The following CCDC97 variants were observed in gnomAD, a reference collection of about 807,000 sequenced individuals.
CCDC97 encodes coiled-coil domain containing 97.
CCDC97 carries 27 observed loss-of-function variants against 33.9 expected under a neutral mutation model. That is an observed-to-expected ratio of 0.80 (90% confidence interval 0.59 to 1.10). CCDC97 has a LOEUF of 1.10. Ranked by LOEUF, CCDC97 falls within the 50% of genes least tolerant of loss-of-function variation. The pLI, the probability that CCDC97 is intolerant of heterozygous loss-of-function variation, is 0.00. For missense variants in CCDC97, 422 were observed against 476.6 expected (o/e 0.89, Z 1.07); for synonymous variants, 217 against 194.0 (o/e 1.12, Z -0.99).
At chr19:41,318,299 A>G (rs779351947) in intron 2 of CCDC97, among the ~76,000 whole-genome samples, 12 of 152,088 alleles carry the variant, frequency 7.9e-5, no homozygotes, top group Non-Finnish European at 1.8e-4. Context: ...AAATACAAAA[A>G]AAATTAGCCA....
chr19:41,314,588 T>C (rs1299497119), intron 1 of CCDC97, among the ~76,000 whole-genome samples: 1 of 152,270 alleles, frequency 6.6e-6, no homozygotes, highest in African/African-American at 2.4e-5. Context: ...TTGCAGTAGT[T>C]GTTGCCTCTG....
intron 1 of CCDC97, chr19:41,310,996 G>C: frequency 5.6e-6 from 2 of 357,652 alleles, no homozygotes; most frequent in Non-Finnish European, 7.8e-6. Flanking sequence ...AAGCCAGATG[G>C]AGATGATTGG....
chr19:41,310,281 C>G lies in CCDC97; in HGVS notation c.-30C>G, dbSNP rs1481268783. On this transcript the variant is annotated 5_prime_UTR_variant, in exon 1 of 5. Coordinates refer to ENST00000269967, the MANE Select transcript of CCDC97 (RefSeq NM_052848.3). Reference sequence around the variant, plus strand: ...CCGGAGGTTAGTGTGCGGGGCCCGCCGGGCGGTTGAAAAGTCCGAGAGAAT... The same window carrying G: ...CCGGAGGTTAGTGTGCGGGGCCCGCGGGGCGGTTGAAAAGTCCGAGAGAAT... The G allele has an allele frequency of 2.5e-6, 4 of 1,585,230 alleles. No homozygotes were observed. The highest frequency in any genetic ancestry group is 3.4e-6 in the Non-Finnish European group (4 of 1,166,160).
At chr19:41,317,992 C>CA (rs764111028) in intron 2 of CCDC97, among the ~76,000 whole-genome samples, 4,299 of 61,650 alleles carry the variant, frequency 0.07, 104 homozygotes, top group Non-Finnish European at 0.092. Flanking sequence ...TGGAGGTTGC[C>CA]AAAAAAAAAA....
intron 4 of CCDC97, among the ~76,000 whole-genome samples, chr19:41,321,584 A>AGAATTTT (rs1354121543): frequency 6.6e-6 from 1 of 152,244 alleles, no homozygotes; most frequent in Admixed American, 6.5e-5. Context: ...AGGAAGATCT[A>AGAATTTT]GAATTTTCTA....
chr19:41,322,635 G>A lies in CCDC97; in HGVS notation c.952G>A (p.Val318Met), dbSNP rs201740650. 3.6e-4 allele frequency: 578 copies of A among 1,613,418 alleles called. No individual in the cohort carries two copies. Among genetic ancestry groups the A allele is most frequent in the Non-Finnish European group, 4.7e-4 (555 of 1,179,690 alleles). ...DNPDFDNLDIVARDEEERYFD... is the reference protein window; with the variant it reads ...DNPDFDNLDIMARDEEERYFD... ...CCCCGACTTCGACAACCTCGACATCGTGGCACGGGATGAGGAGGAGAGGTA... is the reference window on the plus strand; with the variant it reads ...CCCCGACTTCGACAACCTCGACATCATGGCACGGGATGAGGAGGAGAGGTA... The change falls in exon 5 of 5, where the codon GTG (valine) becomes ATG (methionine). Residue 318 changes from valine to methionine, a missense_variant. Val to Met is a conservative substitution (Grantham distance 21). Transcript: ENST00000269967.
rs1401811437 is a variant in CCDC97 at position 41,318,005 on chromosome 19, AAAAG to A, written c.502+1169_502+1172del. 2.4e-3 allele frequency among the ~76,000 whole-genome samples: 358 copies of A among 151,524 alleles called. 1 individual carries two copies. Among genetic ancestry groups the A allele is most frequent in the African/African-American group, 8.0e-3 (329 of 41,354 alleles). ...GGTGGAGGTTGCCAAAAAAAAAAAAAAAAGAAGAAAGATGAATGAGGTGGGGGTA... is the reference window on the plus strand; with the variant it reads ...GGTGGAGGTTGCCAAAAAAAAAAAAAAAGAAAGATGAATGAGGTGGGGGTA... On this transcript the variant is annotated intron_variant, in intron 2 of 4. Coordinates refer to ENST00000269967, the MANE Select transcript of CCDC97 (RefSeq NM_052848.3).
Position 41,322,704 on chromosome 19 carries a change from G to GA in CCDC97, c.1022dup (p.Asp341GlufsTer29). 1 of 1,613,250 alleles carries GA rather than the reference G, an allele frequency of 6.2e-7. No homozygotes were observed. The highest frequency in any genetic ancestry group is 8.5e-7 in the Non-Finnish European group (1 of 1,179,540). On this transcript the variant is annotated frameshift_variant, in exon 5 of 5. Coordinates refer to ENST00000269967, the MANE Select transcript of CCDC97 (RefSeq NM_052848.3). LOFTEE classifies it high-confidence loss of function. ...TGAGGATGCGCCCAGCCCAGAGCTG[G>GA]ATGGGGACTGATGGCCGCCACCCTT...
At chr19:41,315,458 T>G (rs2037734563) in intron 1 of CCDC97, among the ~76,000 whole-genome samples, 1 of 151,474 alleles carries the variant, frequency 6.6e-6, no homozygotes, top group Non-Finnish European at 1.5e-5. Flanking sequence ...AATACAAAAA[T>G]TAACCAGGCA....
intron 3 of CCDC97, among the ~76,000 whole-genome samples, 192 bp downstream of exon 3, chr19:41,320,044 C>A (rs2037803366): frequency 1.3e-5 from 2 of 152,170 alleles, no homozygotes; most frequent in African/African-American, 4.8e-5. Flanking sequence ...TCTGAGGCAC[C>A]AAATGAACCC....
At chr19:41,321,138 C>T (rs539738800) in intron 4 of CCDC97, among the ~76,000 whole-genome samples, 3 of 152,258 alleles carry the variant, frequency 2.0e-5, no homozygotes, top group African/African-American at 7.2e-5. Context: ...CTACGTCCGT[C>T]CTGAGGTGGG....
chr19:41,318,278 G>A (rs566211997), intron 2 of CCDC97, among the ~76,000 whole-genome samples: 3 of 152,068 alleles, frequency 2.0e-5, no homozygotes, highest in South Asian at 4.2e-4. Context: ...GTGAAACCCC[G>A]GCTCTACTAA....
chr19:41,321,618 G>A (rs1229983688), intron 4 of CCDC97, among the ~76,000 whole-genome samples: 1 of 152,218 alleles, frequency 6.6e-6, no homozygotes, highest in Non-Finnish European at 1.5e-5. Context: ...ATGGGGCCAT[G>A]AGGAAAAGTG....
Position 41,322,654 on chromosome 19 carries a change from A to C in CCDC97, c.971A>C (p.Glu324Ala). The stretch of plus-strand genomic sequence containing the variant: ...GACATCGTGGCACGGGATGAGGAGG[A>C]GAGGTACTTTGATGAGGAAGAACCT... ...NLDIVARDEE[E>A]RYFDEEEPED... is the part of the protein sequence containing the mutation. The change falls in exon 5 of 5, where the codon GAG becomes GCG. Residue 324 changes from glutamate to alanine, a missense_variant. Glu to Ala is a moderately radical substitution (Grantham distance 107, BLOSUM62 -1). Coordinates refer to ENST00000269967, the MANE Select transcript of CCDC97 (RefSeq NM_052848.3). 6.2e-7 allele frequency: 1 copy of C among 1,613,440 alleles called. No homozygotes were observed. The highest frequency in any genetic ancestry group is 1.1e-5 in the South Asian group (1 of 91,042).
chr19:41,321,540 G>A (rs950008302), intron 4 of CCDC97, among the ~76,000 whole-genome samples: 1 of 152,212 alleles, frequency 6.6e-6, no homozygotes. Flanking sequence ...CCAACGAAAG[G>A]CTTCCCTGCC....
At chr19:41,320,514 C>T in intron 4 of CCDC97, 44 bp downstream of exon 4, 1 of 1,612,348 alleles carries the variant, frequency 6.2e-7, no homozygotes, top group East Asian at 2.2e-5. Context: ...CCCAGCATCC[C>T]ACGGCCTTTG....
intron 1 of CCDC97, among the ~76,000 whole-genome samples, chr19:41,315,006 A>G (rs947661290): frequency 2.0e-4 from 30 of 147,904 alleles, no homozygotes; most frequent in African/African-American, 7.5e-4. Flanking sequence ...TAATTTAAAG[A>G]TTGGCAGGGT....
intron 2 of CCDC97, among the ~76,000 whole-genome samples, chr19:41,317,191 G>A (rs2037759525): frequency 6.6e-6 from 1 of 152,166 alleles, no homozygotes; most frequent in Non-Finnish European, 1.5e-5. Flanking sequence ...CATATACAGA[G>A]GCATCAGGGG....
chr19:41,310,733 G>A, intron 1 of CCDC97: 1 of 1,077,294 alleles, frequency 9.3e-7, no homozygotes, highest in Non-Finnish European at 1.1e-6. Flanking sequence ...GCCTTCCCTT[G>A]CTCTCTAGAC....
Sources: allele counts gnomAD v4.1 joint callset (sites outside exome capture counted in the v4.1 genomes callset), GRCh38; gene constraint gnomAD v4.1.1; transcripts MANE v1.5; gene names NCBI Gene and HGNC (gene_info 2026-07-23, HGNC 2026-07-21).